The following SCN9A variants were observed in gnomAD, a reference collection of about 807,000 sequenced individuals.
The protein encoded by SCN9A is sodium channel protein type 9 subunit alpha.
SCN9A carries 131 observed loss-of-function variants against 187.0 expected under a neutral mutation model. The ratio of observed to expected loss-of-function variants is 0.70; its 90% CI spans 0.61 to 0.81. The LOEUF is 0.81. Among genes scored for constraint, SCN9A ranks in the 30% least tolerant of loss-of-function variants. The probability of loss-of-function intolerance (pLI) is 0.00; values close to 1 mark genes in which losing one functional copy is unlikely to be tolerated. For synonymous variants in SCN9A, 809 were observed against 808.6 expected (o/e 1.00, Z -0.01); for missense variants, 2,252 against 2,396.6 (o/e 0.94, Z 1.26).
At chr2:166,365,934 A>G (rs999054743) in intron 1 of SCN9A, among the ~76,000 whole-genome samples, 1 of 152,180 alleles carries the variant, frequency 6.6e-6, no homozygotes. Context: ...AAGAGAGGGA[A>G]AAAAGAAAGA....
chr2:166,350,391 C>T (rs1700006068), intron 1 of SCN9A, among the ~76,000 whole-genome samples: 1 of 152,194 alleles, frequency 6.6e-6, no homozygotes, highest in South Asian at 2.1e-4. Flanking sequence ...CCTATATGTG[C>T]CTCAGAAACA....
chr2:166,197,070 T>A lies in SCN9A; in HGVS notation c.*1602A>T, dbSNP rs1448650674. 1.3e-5 allele frequency: 2 copies of A among 152,076 alleles called. No homozygotes were observed. The highest frequency in any genetic ancestry group is 4.8e-5 in the African/African-American group (2 of 41,462). 9.4% of individuals were successfully genotyped at this position (152,076 alleles called of 1,614,324 possible). ...TATTATATAAATGTAATTTATTATTTTTTAAATATGGAAAGCAAATTAGTG... is the reference window on the plus strand; with the variant it reads ...TATTATATAAATGTAATTTATTATTATTTAAATATGGAAAGCAAATTAGTG... On this transcript the variant is annotated 3_prime_UTR_variant, in exon 27 of 27. Transcript: ENST00000642356.
chr2:166,228,666 A>G (rs759892320), intron 22 of SCN9A, 25 bp downstream of exon 22: 50 of 1,567,960 alleles, frequency 3.2e-5, no homozygotes, highest in Non-Finnish European at 4.4e-5. Context: ...TAAAATACCA[A>G]GCACTCATGA....
intron 26 of SCN9A, 52 bp from the exon 27 acceptor site, chr2:166,199,916 C>A: frequency 7.3e-7 from 1 of 1,368,010 alleles, no homozygotes; most frequent in South Asian, 1.2e-5. Flanking sequence ...TGTATGCTAC[C>A]TGAAATGATG....
intron 17 of SCN9A, among the ~76,000 whole-genome samples, chr2:166,259,936 A>T (rs78891865): frequency 1.3e-4 from 1 of 7,568 alleles, no homozygotes; most frequent in African/African-American, 3.1e-4. Flanking sequence ...GAGTGCTTTT[A>T]AAAAAAATCT....
At chr2:166,312,470 T>G (rs528745212) in intron 1 of SCN9A, among the ~76,000 whole-genome samples, 7 of 152,036 alleles carry the variant, frequency 4.6e-5, no homozygotes, top group African/African-American at 1.7e-4. Flanking sequence ...TCCATGAGAG[T>G]TGGAATCAAC....
chr2:166,210,382 G>A (rs1694027734), intron 24 of SCN9A, among the ~76,000 whole-genome samples: 1 of 151,844 alleles, frequency 6.6e-6, no homozygotes, highest in African/African-American at 2.4e-5. Context: ...AATGGGTGTA[G>A]CACACCAACA....
At chr2:166,366,644 TCAA>T (rs1432516761) in intron 1 of SCN9A, among the ~76,000 whole-genome samples, 5 of 152,212 alleles carry the variant, frequency 3.3e-5, no homozygotes, top group African/African-American at 1.2e-4. Flanking sequence ...CTTCACATTC[TCAA>T]CAACACCTTT....
At chr2:166,210,319 G>A (rs879273012) in intron 24 of SCN9A, among the ~76,000 whole-genome samples, 13 of 151,948 alleles carry the variant, frequency 8.6e-5, no homozygotes, top group Non-Finnish European at 1.8e-4. Context: ...GGTGGGGGGA[G>A]GAGGGGGATA....
chr2:166,231,056 C>T (rs1046448960), intron 21 of SCN9A, among the ~76,000 whole-genome samples: 2 of 152,118 alleles, frequency 1.3e-5, no homozygotes, highest in Non-Finnish European at 2.9e-5. Context: ...AGACATTTGC[C>T]TCTCAAAATA....
chr2:166,337,046 G>A (rs1168118149), intron 1 of SCN9A, among the ~76,000 whole-genome samples: 1 of 152,108 alleles, frequency 6.6e-6, no homozygotes, highest in Non-Finnish European at 1.5e-5. Flanking sequence ...ACATAGTCTA[G>A]AGGGTAAATT....
chr2:166,237,306 C>T (rs2106401822), intron 20 of SCN9A, among the ~76,000 whole-genome samples: 1 of 151,936 alleles, frequency 6.6e-6, no homozygotes, highest in Non-Finnish European at 1.5e-5. Flanking sequence ...AAGATTTCTT[C>T]TCTATCTCAA....
intron 24 of SCN9A, among the ~76,000 whole-genome samples, chr2:166,212,852 A>G (rs930346497): frequency 1.3e-5 from 2 of 152,196 alleles, no homozygotes; most frequent in African/African-American, 4.8e-5. Context: ...ATTCACAAAT[A>G]TGTGGAAATT....
In SCN9A at chr2:166,297,931, G is replaced by A. The variant is rs559673880; in HGVS notation, c.902-3269C>T. 2.6e-5 allele frequency among the ~76,000 whole-genome samples: 4 copies of A among 152,028 alleles called. No individual in the cohort carries two copies. In the East Asian group the frequency reaches 7.8e-4, roughly 29 times the overall value. ...ATATTAAATCTAATGAAGATTCTGG[G>A]TGAAGTTTTTAAATTAATTTTCAAG... On this transcript the variant is annotated intron_variant, in intron 7 of 26. Coordinates refer to ENST00000642356, the MANE Select transcript of SCN9A (RefSeq NM_001365536.1).
chr2:166,222,976 C>CAAAAAAA (rs1694686070), intron 24 of SCN9A, among the ~76,000 whole-genome samples: 1 of 59,498 alleles, frequency 1.7e-5, no homozygotes, highest in Non-Finnish European at 3.7e-5. Flanking sequence ...AAAAAAACAG[C>CAAAAAAA]AACAAAAAAC....
intron 15 of SCN9A, chr2:166,277,640 C>G (rs1270906948): frequency 3.4e-6 from 1 of 292,274 alleles, no homozygotes; most frequent in African/African-American, 2.2e-5. Flanking sequence ...GATAATTTAT[C>G]CTTAATTCTA....
chr2:166,371,931 C>G (rs1230601610), intron 1 of SCN9A, among the ~76,000 whole-genome samples: 1 of 152,072 alleles, frequency 6.6e-6, no homozygotes, highest in Non-Finnish European at 1.5e-5. Context: ...CTGTGGCTGG[C>G]CATTTGCTAC....
At chr2:166,315,706 G>C (rs1343997599) in intron 1 of SCN9A, among the ~76,000 whole-genome samples, 4 of 152,186 alleles carry the variant, frequency 2.6e-5, no homozygotes, top group African/African-American at 9.7e-5. Context: ...CCAGGCCAGT[G>C]GGGTGGCAAG....
chr2:166,280,312 TA>T, intron 14 of SCN9A, 44 bp downstream of exon 14: 1 of 1,103,410 alleles, frequency 9.1e-7, no homozygotes, highest in South Asian at 1.5e-5. Context: ...TGATGACAAC[TA>T]AAAAGAGAAA....
Sources: gnomAD v4.1 joint callset for allele counts (sites outside exome capture counted in the v4.1 genomes callset) on GRCh38, gnomAD v4.1.1 for gene constraint, MANE v1.5 for transcripts, NCBI Gene and HGNC (gene_info 2026-07-23, HGNC 2026-07-21) for gene names.